The following SLC37A1 variants were observed in gnomAD, a reference collection of about 807,000 sequenced individuals.
SLC37A1 encodes glucose-6-phosphate exchanger SLC37A1.
Under a neutral mutation model 75.3 loss-of-function variants are expected in SLC37A1, and 49 were observed. That is an observed-to-expected ratio of 0.65 (90% confidence interval 0.52 to 0.83). The LOEUF is 0.83. Among genes scored for constraint, SLC37A1 ranks in the 40% least tolerant of loss-of-function variants. The pLI, the probability that SLC37A1 is intolerant of heterozygous loss-of-function variation, is 0.00. For missense variants in SLC37A1, 566 were observed against 695.0 expected, an observed-to-expected ratio of 0.81 and a Z score of 2.09; for synonymous variants, 268 against 292.1, an observed-to-expected ratio of 0.92 and a Z score of 0.84.
chr21:42,564,630 A>G (rs2146995996), intron 13 of SLC37A1, 78 bp from the exon 14 acceptor site: 1 of 1,159,412 alleles, frequency 8.6e-7, no homozygotes, highest in South Asian at 1.2e-5. Flanking sequence ...CCGTTCTCCG[A>G]GCTCCTGCAG....
At chr21:42,513,479 G>A (rs982066863), upstream of SLC37A1, among the ~76,000 whole-genome samples, 1 of 152,154 alleles carries the variant, frequency 6.6e-6, no homozygotes, top group Admixed American at 6.5e-5. Flanking sequence ...GGGGGTGGGG[G>A]CGCGGCGGCA....
In SLC37A1 at chr21:42,530,037, C is replaced by CA. The variant is rs760345219; in HGVS notation, c.138+4185dup. On this transcript the variant is annotated intron_variant, in intron 3 of 19. Coordinates refer to ENST00000352133, the MANE Select transcript of SLC37A1 (RefSeq NM_001320537.2). ...GCAGCTTTGTAGTGACCAAAAAAAG[C>CA]AAAAAGGAAAAAAAAACAATGCTGG... Among the ~76,000 whole-genome samples, 15 of 149,460 alleles carry CA rather than the reference C, an allele frequency of 1.0e-4. 4 individuals are homozygous for CA. Among genetic ancestry groups the CA allele is most frequent in the East Asian group, 2.0e-4 (1 of 5,106 alleles).
intron 9 of SLC37A1, among the ~76,000 whole-genome samples, chr21:42,551,833 G>A (rs1033504994): frequency 1.5e-5 from 2 of 136,910 alleles, no homozygotes; most frequent in African/African-American, 3.5e-5. Context: ...GTTTTGTTTT[G>A]TTTTTTTGGT....
At chr21:42,534,604 G>A in intron 3 of SLC37A1, 94 bp from the exon 4 acceptor site, 1 of 1,456,192 alleles carries the variant, frequency 6.9e-7, no homozygotes, top group Non-Finnish European at 9.2e-7. Context: ...CAGGCTGCTG[G>A]GAGAGGAGGG....
chr21:42,580,451 G>C lies in SLC37A1; in HGVS notation c.*91G>C. 1 of 1,427,092 alleles carries C rather than the reference G, an allele frequency of 7.0e-7. No individual in the cohort carries two copies. The highest frequency in any genetic ancestry group is 9.6e-7 in the Non-Finnish European group (1 of 1,043,064). 88.4% of individuals were successfully genotyped at this position (1,427,092 alleles called of 1,614,324 possible). On this transcript the variant is annotated 3_prime_UTR_variant, in exon 20 of 20. Transcript: ENST00000352133. ...TCAGACAAAGGGCCCTGCATGGAAA[G>C]AGTGACCTCCCTTTGCCTTTTGCAC...
rs569239445 is a variant in SLC37A1, at chr21:42,545,459, G to C, written c.731-1644G>C. 1.3e-5 allele frequency among the ~76,000 whole-genome samples: 2 copies of C among 152,310 alleles called. No individual in the cohort carries two copies. The highest frequency in any genetic ancestry group is 2.9e-5 in the Non-Finnish European group (2 of 68,026). Reference sequence around the variant, plus strand: ...TCCTGGGCAGGTACTAAAGGCATCAGATGTGCCATTCTTGCGGTCAACAGA... The same window carrying C: ...TCCTGGGCAGGTACTAAAGGCATCACATGTGCCATTCTTGCGGTCAACAGA... On this transcript the variant is annotated intron_variant, in intron 8 of 19. Coordinates refer to ENST00000352133, the MANE Select transcript of SLC37A1 (RefSeq NM_001320537.2). This position sits in a 1 kb window ranked among gnomAD's most constrained non-coding sequence, Gnocchi z 4.0.
chr21:42,511,894 G>A (rs1044161490), upstream of SLC37A1, among the ~76,000 whole-genome samples: 1 of 152,112 alleles, frequency 6.6e-6, no homozygotes, highest in African/African-American at 2.4e-5. Flanking sequence ...ATATAATAAT[G>A]GTGGTTACCA....
rs2055472570 is a variant in SLC37A1, at chr21:42,548,456, A to G, written c.768+1316A>G. Among the ~76,000 whole-genome samples the G allele has an allele frequency of 1.3e-5, 2 of 151,770 alleles. No homozygotes were observed. Among genetic ancestry groups the G allele is most frequent in the African/African-American group, 4.8e-5 (2 of 41,280 alleles). On this transcript the variant is annotated intron_variant, in intron 9 of 19. Coordinates refer to ENST00000352133, the MANE Select transcript of SLC37A1 (RefSeq NM_001320537.2). This position sits in a 1 kb window ranked among gnomAD's most constrained non-coding sequence, Gnocchi z 5.6. ...AGGCCAGACCCGAGGAGCCAGCCCA[A>G]CACCCCCTCCCTTCAGCCCCGCACC... is the stretch of plus-strand genomic sequence containing the variant.
At chr21:42,539,175 T>C (rs2055212870) in intron 5 of SLC37A1, among the ~76,000 whole-genome samples, 1 of 152,236 alleles carries the variant, frequency 6.6e-6, no homozygotes, top group African/African-American at 2.4e-5. Flanking sequence ...TTACTGGATA[T>C]GGTTTATGTG....
intron 17 of SLC37A1, among the ~76,000 whole-genome samples, chr21:42,571,134 G>A (rs2056154011): frequency 6.6e-6 from 1 of 152,148 alleles, no homozygotes; most frequent in African/African-American, 2.4e-5. Flanking sequence ...TTCCTTCCAT[G>A]AGTGAGTGCT....
chr21:42,565,954 TCAA>T, intron 15 of SLC37A1, 79 bp downstream of exon 15: 1 of 1,441,666 alleles, frequency 6.9e-7, no homozygotes, highest in Non-Finnish European at 9.7e-7. Flanking sequence ...AATACTAAAA[TCAA>T]CAGGCGCATT....
At chr21:42,541,319 T>C (rs1195139163) in intron 6 of SLC37A1, among the ~76,000 whole-genome samples, 1 of 151,912 alleles carries the variant, frequency 6.6e-6, no homozygotes, top group African/African-American at 2.4e-5. Context: ...GTGCCTGGGG[T>C]TGGGGACCCT....
chr21:42,536,734 G>A lies in SLC37A1; in HGVS notation c.350+1184G>A, dbSNP rs534317372. On this transcript the variant is annotated intron_variant, in intron 5 of 19. Transcript: ENST00000352133. ...AAAACAGACACAGCACAGGGGTGACGTTGCTTTATAGCAACCAGCTCTCAC... is the reference window on the plus strand; with the variant it reads ...AAAACAGACACAGCACAGGGGTGACATTGCTTTATAGCAACCAGCTCTCAC... Among the ~76,000 whole-genome samples, 9 of 152,302 alleles carry A rather than the reference G, an allele frequency of 5.9e-5. No homozygotes were observed. The East Asian group carries it at 1.3e-3, about 23-fold the overall frequency.
rs2055707840 is a variant in SLC37A1 at position 42,557,019 on chromosome 21, G to A, written c.850-1939G>A. Among the ~76,000 whole-genome samples the A allele has an allele frequency of 2.0e-5, 3 of 152,240 alleles. No individual in the cohort carries two copies. In the South Asian group the frequency reaches 6.2e-4, roughly 31 times the overall value. Reference sequence around the variant, plus strand: ...ACCAGCCCAGCAAGTGGACCCTGAAGCACTTTACAAATCCTGCAAGGGCCG... The same window carrying A: ...ACCAGCCCAGCAAGTGGACCCTGAAACACTTTACAAATCCTGCAAGGGCCG... On this transcript the variant is annotated intron_variant, in intron 10 of 19. Coordinates refer to ENST00000352133, the MANE Select transcript of SLC37A1 (RefSeq NM_001320537.2).
chr21:42,561,077 A>G (rs2055816317), intron 11 of SLC37A1, among the ~76,000 whole-genome samples: 1 of 152,232 alleles, frequency 6.6e-6, no homozygotes, highest in Non-Finnish European at 1.5e-5. Flanking sequence ...TGCCAGGCCC[A>G]TGAAAGGCAT....
chr21:42,566,010 G>C (rs940860230), intron 15 of SLC37A1, 135 bp downstream of exon 15: 1 of 698,220 alleles, frequency 1.4e-6, no homozygotes, highest in African/African-American at 1.8e-5. Flanking sequence ...AAAATTGTCC[G>C]TGTCCTCCTT....
rs568066602 is a variant in SLC37A1 at position 42,548,271 on chromosome 21, G to T, written c.768+1131G>T. 6.6e-6 allele frequency among the ~76,000 whole-genome samples: 1 copy of T among 152,082 alleles called. No homozygotes were observed. ...CCAGAGTGACCCACCCCTGAGCTCC[G>T]CAATCTGAGGTCTCACCACCACTCA... is the stretch of plus-strand genomic sequence containing the variant. On this transcript the variant is annotated intron_variant, in intron 9 of 19. Coordinates refer to ENST00000352133, the MANE Select transcript of SLC37A1 (RefSeq NM_001320537.2). This position sits in a 1 kb window ranked among gnomAD's most constrained non-coding sequence, Gnocchi z 5.6.
intron 16 of SLC37A1, 35 bp downstream of exon 16, chr21:42,567,093 G>T: frequency 6.2e-7 from 1 of 1,602,650 alleles, no homozygotes. Context: ...AGCCCTGTGG[G>T]CACCCTGCCA....
chr21:42,564,663 C>G (rs1343972851), intron 13 of SLC37A1, 45 bp from the exon 14 acceptor site: 2 of 1,531,100 alleles, frequency 1.3e-6, no homozygotes, highest in Non-Finnish European at 1.8e-6. Flanking sequence ...CCCGTGGGCT[C>G]ATGCCCTGGG....
Sources: gnomAD v4.1 joint callset for allele counts (sites outside exome capture counted in the v4.1 genomes callset) on GRCh38, gnomAD v4.1.1 for gene constraint, Gnocchi (gnomAD v3.1) non-coding constraint, MANE v1.5 for transcripts, NCBI Gene and HGNC (gene_info 2026-07-23, HGNC 2026-07-21) for gene names.